NOS2: variants seen among roughly 807,000 people sequenced by gnomAD.
The protein encoded by NOS2 is nitric oxide synthase, inducible.
Under a neutral mutation model 136.0 loss-of-function variants are expected in NOS2, and 96 were observed. That is an observed-to-expected ratio of 0.71 (90% CI 0.60 to 0.84). The LOEUF is 0.84. Ranked by LOEUF, NOS2 falls within the 40% of genes least tolerant of loss-of-function variation. The pLI is 0.00. For synonymous variants in NOS2, 539 were observed against 587.5 expected, an observed-to-expected ratio of 0.92 and a Z score of 1.20; for missense variants, 1,237 against 1,496.9, an observed-to-expected ratio of 0.83 and a Z score of 2.87.
At chr17:27,774,133 G>T in intron 12 of NOS2, 124 bp downstream of exon 12, 1 of 634,688 alleles carries the variant, frequency 1.6e-6, no homozygotes, top group Non-Finnish European at 2.4e-6. Context: ...GGCCTGGAAA[G>T]CTCTAACAAC....
chr17:27,769,700 G>T lies in NOS2; in HGVS notation c.1810-116C>A, dbSNP rs528798000. On this transcript the variant is annotated intron_variant, in intron 15 of 26. Coordinates refer to ENST00000313735, the MANE Select transcript of NOS2 (RefSeq NM_000625.4). ...AGGAGAAGGCTCACAGCCCACCACG[G>T]AAGTTGGTTTACATATGGGGCTACC... The T allele has an allele frequency of 7.3e-5, 66 of 902,204 alleles. No homozygotes were observed. In the South Asian group the frequency reaches 8.8e-4, roughly 12 times the overall value. The allele number at this position is 902,204 out of a possible 1,614,324, so 55.9% of individuals were successfully genotyped here. A position where few individuals can be genotyped will look rare whatever the true frequency, so the allele number is the denominator to read the frequency against.
At position 27,766,562 on chromosome 17, in the gene NOS2, C is replaced by T. The variant is rs765612792; in HGVS notation, c.2194G>A (p.Val732Met). 6.8e-6 allele frequency: 11 copies of T among 1,613,974 alleles called. No individual in the cohort carries two copies. The highest frequency in any genetic ancestry group is 2.2e-5 in the East Asian group (1 of 44,890). Residue 732 changes from valine (V) to methionine (M), a missense_variant, in exon 19 of 27, where the codon GTG becomes ATG. Physicochemically the swap from Val to Met is conservative, Grantham distance 21 (BLOSUM62 1). Coordinates refer to ENST00000313735, the MANE Select transcript of NOS2 (RefSeq NM_000625.4). ...KALSSMHAKN[V>M]FTMRLKSRQN... ...CGAGATTTGAGCCTCATGGTGAACACGTTCTTGGCATGCATGCTGCTGAGG... is the reference window on the plus strand; with the variant it reads ...CGAGATTTGAGCCTCATGGTGAACATGTTCTTGGCATGCATGCTGCTGAGG...
At chr17:27,776,949 G>C (rs1340888309) in intron 11 of NOS2, among the ~76,000 whole-genome samples, 2 of 152,180 alleles carry the variant, frequency 1.3e-5, no homozygotes, top group Admixed American at 1.3e-4. Flanking sequence ...GGCAGTGGAA[G>C]GACACAGTCA....
chr17:27,769,329 C>A (rs1908413797), intron 16 of NOS2, among the ~76,000 whole-genome samples, 178 bp from the exon 17 acceptor site: 1 of 152,110 alleles, frequency 6.6e-6, no homozygotes, highest in Admixed American at 6.5e-5. Context: ...CCCATGACCA[C>A]CCCATGCTTG....
Position 27,798,863 on chromosome 17 carries a change from A to C in NOS2, c.-54T>G. 13 of 1,129,740 alleles carry C rather than the reference A, an allele frequency of 1.2e-5. No individual in the cohort carries two copies. Among genetic ancestry groups the C allele is most frequent in the Non-Finnish European group, 1.6e-5 (12 of 738,634 alleles). 70.0% of individuals were successfully genotyped at this position (1,129,740 alleles called of 1,614,324 possible). On this transcript the variant is annotated 5_prime_UTR_variant, in exon 2 of 27. Transcript: ENST00000313735. ...ATGTCACTTATCTGGATTTGAGCTC[A>C]GATGTTCTTCACTGTGGGGCTGAAG... is the stretch of plus-strand genomic sequence containing the variant.
chr17:27,794,497 C>T (rs1207760490), intron 2 of NOS2, among the ~76,000 whole-genome samples: 2 of 152,180 alleles, frequency 1.3e-5, no homozygotes, highest in African/African-American at 2.4e-5. Flanking sequence ...AGCCCTGGAC[C>T]TCAACATGCA....
intron 22 of NOS2, among the ~76,000 whole-genome samples, chr17:27,762,505 T>C (rs540889461): frequency 2.4e-4 from 36 of 152,310 alleles, no homozygotes; most frequent in African/African-American, 8.4e-4. Context: ...AGTTAGACTA[T>C]CCAGGTCTGA....
intron 24 of NOS2, 55 bp downstream of exon 24, chr17:27,760,568 T>G (rs1354297950): frequency 6.5e-7 from 1 of 1,550,002 alleles, no homozygotes; most frequent in African/African-American, 1.4e-5. Context: ...GTTCTGCTCC[T>G]AGGCAGGCGC....
intron 13 of NOS2, 90 bp from the exon 14 acceptor site, chr17:27,772,542 T>G: frequency 6.8e-7 from 1 of 1,471,172 alleles, no homozygotes; most frequent in Non-Finnish European, 9.3e-7. Context: ...GGGGACAGCG[T>G]TTAATGTGGG....
chr17:27,796,061 C>G (rs1909344311), intron 2 of NOS2, among the ~76,000 whole-genome samples: 2 of 152,154 alleles, frequency 1.3e-5, no homozygotes, highest in South Asian at 4.2e-4. Flanking sequence ...GGAAAGACAG[C>G]AGATAGATCA....
In NOS2 at chr17:27,760,847, G is replaced by T; in HGVS notation, c.2889-103C>A. The T allele has an allele frequency of 2.8e-6, 4 of 1,406,752 alleles. No individual in the cohort carries two copies. In the South Asian group the frequency reaches 4.3e-5, roughly 15 times the overall value. 87.1% of individuals were successfully genotyped at this position (1,406,752 alleles called of 1,614,324 possible). A position where few individuals can be genotyped will look rare whatever the true frequency, so the allele number is the denominator to read the frequency against. ...GGCCTGTGGGAGGCGGTCGTGAGGG[G>T]GTGGAGAGGACAAGAAGCTCCTATT... On this transcript the variant is annotated intron_variant, in intron 23 of 26. Transcript: ENST00000313735.
intron 5 of NOS2, among the ~76,000 whole-genome samples, chr17:27,786,374 C>A (rs1343697440): frequency 6.6e-6 from 1 of 150,996 alleles, no homozygotes; most frequent in Non-Finnish European, 1.5e-5. Flanking sequence ...TGAAGTGAGC[C>A]AAGATCGTGC....
In NOS2 at chr17:27,762,825, C is replaced by T. The variant is rs771553581; in HGVS notation, c.2773G>A (p.Val925Met). 17 of 1,556,960 alleles carry T rather than the reference C, an allele frequency of 1.1e-5. No homozygotes were observed. The highest frequency in any genetic ancestry group is 2.0e-5 in the Admixed American group (1 of 51,246). Residue 925 changes from valine (V) to methionine (M), a missense_variant, in exon 22 of 27, where the codon GTG becomes ATG. Val to Met is a conservative substitution (Grantham distance 21). Around this residue, in one of 3 missense-constraint regions of NOS2, gnomAD observed 782 missense variants for 909.9 expected, o/e 0.86. Transcript: ENST00000313735. ...CGGGTGTGGTAGGTGACCACGGCCACAGTCAGGTGGATCTCTGTGGGCGTG... is the reference window on the plus strand; with the variant it reads ...CGGGTGTGGTAGGTGACCACGGCCATAGTCAGGTGGATCTCTGTGGGCGTG... Reference protein sequence around the residue: ...DHTPTEIHLTVAVVTYHTRDG... With the variant: ...DHTPTEIHLTMAVVTYHTRDG...
rs1410779384 is a variant in NOS2 at position 27,765,607 on chromosome 17, C to T, written c.2356G>A (p.Gly786Ser). Residue 786 changes from glycine to serine, a missense_variant, in exon 20 of 27, where the codon GGT (glycine) becomes AGT (serine). Transcript: ENST00000313735. Reference protein sequence around the residue: ...CPGNQPALVQGILERVVDGPT... With the variant: ...CPGNQPALVQSILERVVDGPT... ...CCATCCACCACTCGCTCCAGGATACCTTGGACCAGGGCCGGCTGGTTGCCT... is the reference window on the plus strand; with the variant it reads ...CCATCCACCACTCGCTCCAGGATACTTTGGACCAGGGCCGGCTGGTTGCCT... 1 of 1,612,954 alleles carries T rather than the reference C, an allele frequency of 6.2e-7. No homozygotes were observed. The highest frequency in any genetic ancestry group is 2.2e-5 in the East Asian group (1 of 44,882).
At position 27,757,188 on chromosome 17, in the gene NOS2, CA is replaced by C. The variant is rs1443076138; in HGVS notation, c.*57del. 8.7e-6 allele frequency: 12 copies of C among 1,380,996 alleles called. No individual in the cohort carries two copies. Among genetic ancestry groups the C allele is most frequent in the Non-Finnish European group, 1.2e-5 (12 of 980,060 alleles). The allele number at this position is 1,380,996 out of a possible 1,614,324, so 85.5% of individuals were successfully genotyped here. A position where few individuals can be genotyped will look rare whatever the true frequency, so the allele number is the denominator to read the frequency against. On this transcript the variant is annotated 3_prime_UTR_variant, in exon 27 of 27. Coordinates refer to ENST00000313735, the MANE Select transcript of NOS2 (RefSeq NM_000625.4). The stretch of plus-strand genomic sequence containing the variant: ...CCAGGCCCTGTGACCTCAGATAATG[CA>C]GAGCTGGCTCCATCCTTAAGTTCTG...
At chr17:27,779,730 G>GA (rs5819821) in intron 9 of NOS2, among the ~76,000 whole-genome samples, 101,403 of 152,008 alleles carry the variant, frequency 0.67, 34,362 homozygotes, top group African/African-American at 0.79. Flanking sequence ...TCCAGTGTCA[G>GA]AAGCTGGGGT....
intron 13 of NOS2, among the ~76,000 whole-genome samples, chr17:27,772,959 C>T (rs1048906414): frequency 5.9e-5 from 9 of 152,136 alleles, no homozygotes; most frequent in Non-Finnish European, 1.0e-4. Flanking sequence ...CACTTGAGCT[C>T]GGGAAGCAGA....
intron 6 of NOS2, among the ~76,000 whole-genome samples, chr17:27,782,545 C>T (rs944725): frequency 0.43 from 66,130 of 152,046 alleles, 14,632 homozygotes; most frequent in Middle Eastern, 0.55. Context: ...CAACAAATGA[C>T]TCCCCAACAA....
intron 12 of NOS2, 51 bp from the exon 13 acceptor site, chr17:27,773,294 C>T (rs1350681114): frequency 8.0e-6 from 11 of 1,373,446 alleles, no homozygotes; most frequent in South Asian, 1.2e-5. Flanking sequence ...TGGCTTGGCT[C>T]AGCTCGCGGA....
Sources: gnomAD v4.1 joint callset for allele counts (sites outside exome capture counted in the v4.1 genomes callset) on GRCh38, gnomAD v4.1.1 for gene constraint, gnomAD v4.1.1 regional missense constraint, MANE v1.5 for transcripts, NCBI Gene and HGNC (gene_info 2026-07-23, HGNC 2026-07-21) for gene names.